NCOR1: variants seen among roughly 807,000 people sequenced by gnomAD.
NCOR1 encodes protein phosphatase 1, regulatory subunit 109.
A neutral mutation model predicts 288.1 loss-of-function variants in NCOR1; 63 were observed. The ratio of observed to expected loss-of-function variants is 0.22; its 90% CI spans 0.18 to 0.27. The LOEUF (loss-of-function observed/expected upper bound fraction) is 0.27, where lower values mean the gene tolerates loss of function less well. Among genes scored for constraint, NCOR1 ranks in the 10% least tolerant of loss-of-function variants. The probability of loss-of-function intolerance (pLI) is 1.00; values close to 1 mark genes in which losing one functional copy is unlikely to be tolerated. For synonymous variants in NCOR1, 1,007 were observed against 1,065.9 expected (o/e 0.94, Z 1.08); for missense variants, 2,397 against 3,019.2 (o/e 0.79, Z 4.83).
At chr17:16,140,680 G>A (rs183088236) in intron 11 of NCOR1, among the ~76,000 whole-genome samples, 196 of 152,238 alleles carry the variant, frequency 1.3e-3, no homozygotes, top group African/African-American at 4.4e-3. Context: ...TGGGTGTGCT[G>A]GCATGTGCCT....
chr17:16,109,437 T>C (rs1007437475), intron 18 of NCOR1, among the ~76,000 whole-genome samples: 3 of 152,036 alleles, frequency 2.0e-5, no homozygotes, highest in Admixed American at 6.6e-5. Context: ...GAAAGCCCTA[T>C]GTAATTACAT....
At chr17:16,108,094 T>A (rs371681213) in intron 19 of NCOR1, 2 of 155,988 alleles carry the variant, frequency 1.3e-5, no homozygotes, top group Non-Finnish European at 1.4e-5. Flanking sequence ...ATTATCTGCA[T>A]ATACAAAACA....
intron 6 of NCOR1, 127 bp from the exon 7 acceptor site, chr17:16,153,522 T>C (rs2079195244): frequency 7.2e-6 from 4 of 554,442 alleles, no homozygotes; most frequent in Non-Finnish European, 1.2e-5. Flanking sequence ...CAAATATCCT[T>C]CTTCTATATG....
rs140735552 is a variant in NCOR1 at position 16,124,699 on chromosome 17, T to C, written c.1634+1383A>G. 6.8e-4 allele frequency among the ~76,000 whole-genome samples: 104 copies of C among 152,354 alleles called. 3 individuals are homozygous for C. In the East Asian group the frequency reaches 0.013, roughly 19 times the overall value. On this transcript the variant is annotated intron_variant, in intron 15 of 45. Coordinates refer to ENST00000268712, the MANE Select transcript of NCOR1 (RefSeq NM_006311.4). ...AATTTTCACTATATTTTTCTTTTCC[T>C]GTTTTTCTATAATGTAATTTTATAA...
At chr17:16,146,269 G>A (rs985832317) in intron 10 of NCOR1, 107 bp downstream of exon 10, 8 of 1,018,960 alleles carry the variant, frequency 7.9e-6, no homozygotes, top group African/African-American at 3.3e-5. Context: ...CCCCCTCTCC[G>A]AGAAACACCC....
intron 4 of NCOR1, among the ~76,000 whole-genome samples, chr17:16,167,002 A>C (rs1263077335): frequency 1.3e-5 from 2 of 152,030 alleles, no homozygotes; most frequent in Admixed American, 1.3e-4. Flanking sequence ...GCATAAAGAA[A>C]GATCTTTGGT....
chr17:16,187,196 T>G (rs975935385), intron 2 of NCOR1, among the ~76,000 whole-genome samples: 15 of 151,196 alleles, frequency 9.9e-5, no homozygotes, highest in African/African-American at 2.9e-4. Context: ...CTTTGTTGGT[T>G]GTTGTTTTTT....
intron 27 of NCOR1, among the ~76,000 whole-genome samples, chr17:16,075,029 G>C (rs1395181686): frequency 6.6e-6 from 1 of 151,974 alleles, no homozygotes; most frequent in Admixed American, 6.6e-5. Flanking sequence ...CACCATGCCC[G>C]GCTAATTTTT....
chr17:16,038,393 G>A (rs952155575), intron 44 of NCOR1, among the ~76,000 whole-genome samples: 1 of 151,930 alleles, frequency 6.6e-6, no homozygotes, highest in Non-Finnish European at 1.5e-5. Context: ...TCCGGATGAT[G>A]TGATCTGAAG....
intron 5 of NCOR1, among the ~76,000 whole-genome samples, chr17:16,161,383 G>C (rs1275884546): frequency 6.6e-6 from 1 of 152,016 alleles, no homozygotes; most frequent in African/African-American, 2.4e-5. Flanking sequence ...TCTGCCTCCC[G>C]GGTTCAGGTG....
chr17:16,176,103 C>T (rs1328464099), intron 3 of NCOR1, among the ~76,000 whole-genome samples: 1 of 151,792 alleles, frequency 6.6e-6, no homozygotes, highest in Non-Finnish European at 1.5e-5. Flanking sequence ...CCCGTAATCC[C>T]AGCTACTTGG....
chr17:16,119,375 C>G, intron 17 of NCOR1, 48 bp downstream of exon 17: 1 of 1,434,778 alleles, frequency 7.0e-7, no homozygotes, highest in Non-Finnish European at 9.7e-7. Flanking sequence ...ACTAATAACC[C>G]TAAAAAACAA....
chr17:16,042,151 T>C lies in NCOR1; in HGVS notation c.6680-1657A>G, dbSNP rs116522911. On this transcript the variant is annotated intron_variant, in intron 42 of 45. Coordinates refer to ENST00000268712, the MANE Select transcript of NCOR1 (RefSeq NM_006311.4). ...ACAAACTTGGTTGATTAGGGAGGCT[T>C]TAAACTGACAGAGGAGAAAAGTCCT... 5.8e-3 allele frequency among the ~76,000 whole-genome samples: 562 copies of C among 96,862 alleles called. 6 individuals are homozygous for C. The highest frequency in any genetic ancestry group is 0.026 in the African/African-American group (520 of 20,218). The allele number at this position is 96,862 out of a possible 152,430, so 63.5% of individuals were successfully genotyped here.
At position 16,091,851 on chromosome 17, in the gene NCOR1, C is replaced by G. The variant is rs772294301; in HGVS notation, c.3016+12G>C. The G allele has an allele frequency of 3.1e-6, 5 of 1,613,924 alleles. No homozygotes were observed. The Middle Eastern group carries it at 6.8e-4, about 219-fold the overall frequency. ...CATAAAAGTTCTCTTGGTGATAGCT[C>G]TATCTACCTACCTTCCCACTCTCTG... On this transcript the variant is annotated intron_variant, in intron 22 of 45. Transcript: ENST00000268712.
At chr17:16,107,961 A>G (rs866638958) in intron 19 of NCOR1, among the ~76,000 whole-genome samples, 12 of 152,166 alleles carry the variant, frequency 7.9e-5, no homozygotes, top group African/African-American at 2.9e-4. Context: ...AACCTGGAGG[A>G]TGTACAACTT....
chr17:16,143,546 T>C lies in NCOR1; in HGVS notation c.1173+60A>G, dbSNP rs2077440845. On this transcript the variant is annotated intron_variant, in intron 11 of 45. Coordinates refer to ENST00000268712, the MANE Select transcript of NCOR1 (RefSeq NM_006311.4). ...TACATACAAAAAAACCCTTAGCTCCTACAGAGTTAAAATGCTTTAATAATT... is the reference window on the plus strand; with the variant it reads ...TACATACAAAAAAACCCTTAGCTCCCACAGAGTTAAAATGCTTTAATAATT... 8.9e-6 allele frequency: 12 copies of C among 1,342,116 alleles called. No homozygotes were observed. In the South Asian group the frequency reaches 1.3e-4, roughly 15 times the overall value. 83.1% of individuals were successfully genotyped at this position (1,342,116 alleles called of 1,614,324 possible). A position where few individuals can be genotyped will look rare whatever the true frequency, so the allele number is the denominator to read the frequency against.
chr17:16,114,414 A>G (rs2071120149), intron 18 of NCOR1, among the ~76,000 whole-genome samples: 1 of 151,966 alleles, frequency 6.6e-6, no homozygotes, highest in Non-Finnish European at 1.5e-5. Flanking sequence ...AAAACCAATC[A>G]TGCCTTCCCA....
intron 19 of NCOR1, among the ~76,000 whole-genome samples, chr17:16,105,488 C>T (rs2068437281): frequency 6.6e-6 from 1 of 152,030 alleles, no homozygotes; most frequent in Non-Finnish European, 1.5e-5. Flanking sequence ...ATGAGGGCTC[C>T]TCAGAAGCAG....
chr17:16,199,204 G>GAAAAAA (rs71353779), intron 1 of NCOR1, among the ~76,000 whole-genome samples: 25 of 99,832 alleles, frequency 2.5e-4, no homozygotes, highest in South Asian at 7.0e-4. Flanking sequence ...AATACAGAAG[G>GAAAAAA]AAAAAAAAAA....
Sources: allele counts gnomAD v4.1 joint callset (sites outside exome capture counted in the v4.1 genomes callset), GRCh38; gene constraint gnomAD v4.1.1; transcripts MANE v1.5; gene names NCBI Gene and HGNC (gene_info 2026-07-23, HGNC 2026-07-21).